The following PRIM2 variants were observed in gnomAD, a reference collection of about 807,000 sequenced individuals.
PRIM2 encodes the protein DNA primase subunit 2.
In PRIM2, 39 loss-of-function variants were observed where a neutral mutation model predicts 67.3. The ratio of observed to expected loss-of-function variants is 0.58; its 90% confidence interval spans 0.45 to 0.76. The LOEUF is 0.76. PRIM2 is among the 30% of genes least tolerant of loss of function. The pLI is 0.00. For synonymous variants in PRIM2, 143 were observed against 198.7 expected (o/e 0.72, Z 2.36); for missense variants, 398 against 598.7 (o/e 0.66, Z 3.50).
intron 7 of PRIM2, among the ~76,000 whole-genome samples, chr6:57,383,769 G>T (rs1770043433): frequency 6.6e-6 from 1 of 152,118 alleles, no homozygotes; most frequent in African/African-American, 2.4e-5. Flanking sequence ...TGCTGTCGTT[G>T]AGTTGCTGAA....
At chr6:57,597,845 T>A (rs1166529126) in intron 10 of PRIM2, among the ~76,000 whole-genome samples, 3 of 152,208 alleles carry the variant, frequency 2.0e-5, no homozygotes, top group Non-Finnish European at 4.4e-5. Flanking sequence ...TGCCCACCTT[T>A]TGTATTTAAG....
the PRIM2 span, among the ~76,000 whole-genome samples, chr6:57,292,314 C>G: frequency 6.6e-6 from 1 of 151,946 alleles, no homozygotes; most frequent in Non-Finnish European, 1.5e-5. Flanking sequence ...TCTTCAAGGA[C>G]AACTACAAAC....
At chr6:57,424,160 C>G (rs116623897) in intron 7 of PRIM2, among the ~76,000 whole-genome samples, 4 of 152,202 alleles carry the variant, frequency 2.6e-5, no homozygotes, top group East Asian at 3.9e-4. Context: ...TCAGGCACTC[C>G]GAGAAAGTAG....
intron 10 of PRIM2, among the ~76,000 whole-genome samples, chr6:57,553,999 C>T (rs1438027623): frequency 6.6e-6 from 1 of 152,158 alleles, no homozygotes; most frequent in African/African-American, 2.4e-5. Context: ...GACAAATCAA[C>T]ACTTAAACAT....
chr6:57,543,421 A>T, intron 10 of PRIM2, among the ~76,000 whole-genome samples: 1 of 152,266 alleles, frequency 6.6e-6, no homozygotes, highest in Middle Eastern at 3.4e-3. Flanking sequence ...ATTTTTCTGT[A>T]CTATTGTTTC....
chr6:57,552,855 CT>C (rs1369352922), intron 10 of PRIM2, among the ~76,000 whole-genome samples: 1 of 151,510 alleles, frequency 6.6e-6, no homozygotes, highest in Non-Finnish European at 1.5e-5. Flanking sequence ...AGTTTTTAGA[CT>C]TTTTTTTGTA....
chr6:57,321,959 T>C (rs1257217674), intron 3 of PRIM2, among the ~76,000 whole-genome samples: 1 of 152,162 alleles, frequency 6.6e-6, no homozygotes, highest in South Asian at 2.1e-4. Context: ...TTAAGATAGA[T>C]TATGTAAGAT....
the PRIM2 span, among the ~76,000 whole-genome samples, chr6:57,303,880 C>T: frequency 6.6e-6 from 1 of 152,200 alleles, no homozygotes; most frequent in African/African-American, 2.4e-5. Context: ...AGTGGTCTGC[C>T]TGCCTAGGCC....
chr6:57,537,687 C>T (rs1394016698), intron 10 of PRIM2, 62 bp downstream of exon 10: 24 of 1,092,676 alleles, frequency 2.2e-5, no homozygotes, highest in Non-Finnish European at 2.9e-5. Context: ...GAAAATGAAA[C>T]GGTCTATTTT....
chr6:57,366,075 A>T (rs868015214), intron 5 of PRIM2, among the ~76,000 whole-genome samples: 2 of 151,984 alleles, frequency 1.3e-5, no homozygotes, highest in Admixed American at 6.6e-5. Context: ...AAATAATATA[A>T]AAAAAAACTG....
intron 10 of PRIM2, among the ~76,000 whole-genome samples, chr6:57,563,153 C>T (rs1452012438): frequency 6.9e-4 from 105 of 152,186 alleles, no homozygotes; most frequent in African/African-American, 2.5e-3. Context: ...AAGAGCTTTC[C>T]AGTATAGCCT....
At chr6:57,333,613 C>T (rs1768129385) in intron 5 of PRIM2, among the ~76,000 whole-genome samples, 1 of 151,874 alleles carries the variant, frequency 6.6e-6, no homozygotes, top group South Asian at 2.1e-4. Context: ...TTTTTATAAC[C>T]TCTTGTTAGG....
chr6:57,405,639 A>T (rs1306995216), intron 7 of PRIM2, among the ~76,000 whole-genome samples: 1 of 136,404 alleles, frequency 7.3e-6, no homozygotes, highest in East Asian at 2.0e-4. Flanking sequence ...TGTTAAAAAG[A>T]AGTGTGTGGT....
At chr6:57,492,026 G>A (rs1344860693) in intron 7 of PRIM2, among the ~76,000 whole-genome samples, 9 of 152,076 alleles carry the variant, frequency 5.9e-5, no homozygotes, top group Non-Finnish European at 1.0e-4. Context: ...GCATGTTTAG[G>A]CAAGCCCCCT....
chr6:57,452,369 A>T, intron 7 of PRIM2, among the ~76,000 whole-genome samples: 1 of 152,186 alleles, frequency 6.6e-6, no homozygotes, highest in East Asian at 1.9e-4. Flanking sequence ...ACTGACTTCC[A>T]CAATGGTTGA....
At chr6:57,323,437 G>C (rs77733584) in intron 3 of PRIM2, among the ~76,000 whole-genome samples, 9,155 of 152,068 alleles carry the variant, frequency 0.06, 376 homozygotes, top group Admixed American at 0.1. Flanking sequence ...TAAAAGAGAG[G>C]GGTTGGTGGG....
the PRIM2 span, among the ~76,000 whole-genome samples, chr6:57,225,338 A>G: frequency 1.3e-5 from 2 of 152,192 alleles, no homozygotes; most frequent in Non-Finnish European, 2.9e-5. Flanking sequence ...AGTGCAATTA[A>G]AGTCTACTTT....
chr6:57,610,916 C>T (rs1459324870), intron 12 of PRIM2, among the ~76,000 whole-genome samples: 1 of 152,026 alleles, frequency 6.6e-6, no homozygotes, highest in Non-Finnish European at 1.5e-5. Flanking sequence ...AAATAGTAAC[C>T]CAGGTAGATC....
chr6:57,221,804 G>C, the PRIM2 span: 1 of 152,540 alleles, frequency 6.6e-6, no homozygotes, highest in African/African-American at 2.4e-5. Flanking sequence ...GGTGCTCAGG[G>C]AGGGGAGAGC....
Sources: gnomAD v4.1 joint callset for allele counts (sites outside exome capture counted in the v4.1 genomes callset) on GRCh38, gnomAD v4.1.1 for gene constraint, MANE v1.5 for transcripts, NCBI Gene and HGNC (gene_info 2026-07-23, HGNC 2026-07-21) for gene names.